Variants in BNC2 observed in about 807,000 individuals in gnomAD.
BNC2 encodes zinc finger protein basonuclin-2.
BNC2 carries 20 observed loss-of-function variants against 76.3 expected under a neutral mutation model. That is an observed-to-expected ratio of 0.26 (90% CI 0.18 to 0.38). The LOEUF (loss-of-function observed/expected upper bound fraction) is 0.38, where lower values mean the gene tolerates loss of function less well. BNC2 is among the 10% of genes least tolerant of loss of function. The probability of loss-of-function intolerance (pLI) is 1.00; values close to 1 mark genes in which losing one functional copy is unlikely to be tolerated. For synonymous variants in BNC2, 582 were observed against 514.8 expected (o/e 1.13, Z -1.77); for missense variants, 1,382 against 1,399.8 (o/e 0.99, Z 0.20).
At chr9:16,666,872 T>C (rs1822307307) in intron 3 of BNC2, among the ~76,000 whole-genome samples, 1 of 152,220 alleles carries the variant, frequency 6.6e-6, no homozygotes, top group Non-Finnish European at 1.5e-5. Flanking sequence ...AACCTGAACA[T>C]TTTGTTTGCC....
At chr9:16,569,645 T>A (rs76039564) in intron 4 of BNC2, among the ~76,000 whole-genome samples, 2,370 of 152,286 alleles carry the variant, frequency 0.016, 50 homozygotes, top group South Asian at 0.1. Flanking sequence ...AACAGGTCCT[T>A]GGTTATACTT....
intron 5 of BNC2, among the ~76,000 whole-genome samples, chr9:16,526,297 T>C (rs752135890): frequency 3.3e-5 from 5 of 152,072 alleles, no homozygotes; most frequent in Admixed American, 6.5e-5. Flanking sequence ...TGCTAACTCC[T>C]TACACCCAGT....
chr9:16,434,202 G>A (rs1375701318), intron 6 of BNC2, among the ~76,000 whole-genome samples: 1 of 151,962 alleles, frequency 6.6e-6, no homozygotes, highest in East Asian at 1.9e-4. Context: ...TCAAAGATTG[G>A]CCCCCTTTTA....
chr9:16,611,483 A>G (rs1820543705), intron 3 of BNC2, among the ~76,000 whole-genome samples: 1 of 152,152 alleles, frequency 6.6e-6, no homozygotes, highest in South Asian at 2.1e-4. Flanking sequence ...TCATACAAAA[A>G]TCCAGGTTCC....
intron 3 of BNC2, among the ~76,000 whole-genome samples, chr9:16,644,797 G>A (rs1587268544): frequency 6.6e-6 from 1 of 152,206 alleles, no homozygotes; most frequent in South Asian, 2.1e-4. Context: ...TCCCAATGGA[G>A]AGTAGCTGCT....
intron 3 of BNC2, among the ~76,000 whole-genome samples, chr9:16,606,923 ACATAATGTGTG>A: frequency 1.3e-5 from 2 of 152,122 alleles, no homozygotes; most frequent in South Asian, 2.1e-4. Context: ...GCGGCCATCC[ACATAATGTGTG>A]ACTTGCTTCT....
intron 3 of BNC2, among the ~76,000 whole-genome samples, chr9:16,643,817 T>C (rs1821553934): frequency 6.6e-6 from 1 of 152,136 alleles, no homozygotes; most frequent in South Asian, 2.1e-4. Flanking sequence ...CTCAGCATGG[T>C]TTAAGATTAA....
At chr9:16,539,703 G>A (rs1818250357) in intron 5 of BNC2, among the ~76,000 whole-genome samples, 1 of 129,420 alleles carries the variant, frequency 7.7e-6, no homozygotes, top group African/African-American at 3.4e-5. Flanking sequence ...AGAAAGGAAG[G>A]GAGGAAGGAA....
At chr9:16,682,264 T>C (rs918099588) in intron 3 of BNC2, among the ~76,000 whole-genome samples, 1 of 114,088 alleles carries the variant, frequency 8.8e-6, no homozygotes, top group African/African-American at 4.3e-5. Flanking sequence ...AATAAAAAGT[T>C]TCAAGACACC....
At chr9:16,520,598 G>T (rs561771625) in intron 5 of BNC2, among the ~76,000 whole-genome samples, 5 of 152,174 alleles carry the variant, frequency 3.3e-5, no homozygotes, top group Admixed American at 1.3e-4. Flanking sequence ...GACATTCTCT[G>T]AACAGCACAT....
At chr9:16,431,442 C>G (rs1330843883) in intron 6 of BNC2, 2 of 470,324 alleles carry the variant, frequency 4.3e-6, no homozygotes, top group East Asian at 1.4e-4. Flanking sequence ...AAGAGAATCT[C>G]CCGTATGAAG....
intron 1 of BNC2, among the ~76,000 whole-genome samples, chr9:16,756,372 CCTAA>C (rs906367333): frequency 6.6e-6 from 1 of 152,178 alleles, no homozygotes; most frequent in Non-Finnish European, 1.5e-5. Flanking sequence ...TAGTTTATCT[CCTAA>C]CTGTCTCTGG....
chr9:16,516,658 T>G (rs546827309), intron 5 of BNC2, among the ~76,000 whole-genome samples: 1 of 152,178 alleles, frequency 6.6e-6, no homozygotes, highest in Non-Finnish European at 1.5e-5. Context: ...TGTGCTTCTT[T>G]TTTTTTCTTT....
At chr9:16,450,206 G>A (rs1375037570) in intron 5 of BNC2, among the ~76,000 whole-genome samples, 1 of 152,136 alleles carries the variant, frequency 6.6e-6, no homozygotes, top group Admixed American at 6.6e-5. Flanking sequence ...AATTAGTTTA[G>A]GCCACTGCTG....
At chr9:16,468,577 G>C (rs1410706491) in intron 5 of BNC2, among the ~76,000 whole-genome samples, 2 of 151,926 alleles carry the variant, frequency 1.3e-5, no homozygotes, top group Admixed American at 1.3e-4. Flanking sequence ...TGTATTTTTA[G>C]TAGAGACGAG....
In BNC2 at chr9:16,436,435, T is replaced by C. The variant is rs141541187; in HGVS notation, c.1759A>G (p.Thr587Ala). Residue 587 changes from threonine to alanine, a missense_variant, in exon 6 of 7, where the codon ACC becomes GCC. By Grantham distance (58) the Thr-to-Ala change is moderately conservative. Around this residue, in one of 3 missense-constraint regions of BNC2, gnomAD observed 798 missense variants for 775.5 expected, o/e 1.03. Transcript: ENST00000380672. ...ATGATGGGACTGGTTGGGAGGGAGG[T>C]TGGAGGACTCACCATTTCCCCTGGA... ...LTPGEMVSPP[T>A]SLPTSPIIPT... 8.7e-6 allele frequency: 14 copies of C among 1,613,534 alleles called. No individual in the cohort carries two copies. In the African/African-American group the frequency reaches 1.5e-4, roughly 17 times the overall value.
chr9:16,469,511 C>T (rs1411151477), intron 5 of BNC2, among the ~76,000 whole-genome samples: 2 of 152,190 alleles, frequency 1.3e-5, no homozygotes, highest in African/African-American at 4.8e-5. Context: ...ACTGTAAGTC[C>T]AATTAAACCT....
intron 1 of BNC2, among the ~76,000 whole-genome samples, chr9:16,738,776 C>A (rs1271911228): frequency 6.6e-6 from 1 of 152,038 alleles, no homozygotes; most frequent in Non-Finnish European, 1.5e-5. Flanking sequence ...CTTAATATGA[C>A]ACTTTTAACT....
At chr9:16,761,754 T>G (rs192412754) in intron 1 of BNC2, among the ~76,000 whole-genome samples, 1 of 152,330 alleles carries the variant, frequency 6.6e-6, no homozygotes. Flanking sequence ...TTAAATAATA[T>G]TTTTGATGAA....
Sources: allele counts gnomAD v4.1 joint callset (sites outside exome capture counted in the v4.1 genomes callset), GRCh38; gene constraint gnomAD v4.1.1; regional missense constraint gnomAD v4.1.1; transcripts MANE v1.5; gene names NCBI Gene and HGNC (gene_info 2026-07-23, HGNC 2026-07-21).